Variants in CTBP1 observed in about 807,000 individuals in gnomAD.
The protein encoded by CTBP1 is C-terminal binding protein 1.
Under a neutral mutation model 42.1 loss-of-function variants are expected in CTBP1, and 11 were observed. The observed-to-expected ratio is 0.26, with a 90% CI of 0.16 to 0.43. The LOEUF is 0.43. Among genes scored for constraint, CTBP1 ranks in the 20% least tolerant of loss-of-function variants. The pLI, the probability that CTBP1 is intolerant of heterozygous loss-of-function variation, is 1.00. For synonymous variants in CTBP1, 324 were observed against 277.1 expected, an observed-to-expected ratio of 1.17 and a Z score of -1.68; for missense variants, 399 against 624.3, an observed-to-expected ratio of 0.64 and a Z score of 3.85.
chr4:1,212,635 A>G, intron 9 of CTBP1: 2 of 612,796 alleles, frequency 3.3e-6, no homozygotes, highest in Non-Finnish European at 2.8e-6. Flanking sequence ...TGACTTGAAC[A>G]TGAGGTCTTC....
At chr4:1,229,451 T>C (rs1188457378) in intron 3 of CTBP1, among the ~76,000 whole-genome samples, 2 of 152,216 alleles carry the variant, frequency 1.3e-5, no homozygotes, top group African/African-American at 4.8e-5. Context: ...GAGACACCAG[T>C]GAGCCTCCCA....
chr4:1,239,069 G>A (rs1731883102), intron 2 of CTBP1, among the ~76,000 whole-genome samples: 1 of 152,202 alleles, frequency 6.6e-6, no homozygotes, highest in Non-Finnish European at 1.5e-5. Flanking sequence ...AACAAAGGAA[G>A]AAAAGGGTTA....
rs949374949 is a variant in CTBP1 at position 1,233,804 on chromosome 4, C to T, written c.162+4379G>A. On this transcript the variant is annotated intron_variant, in intron 3 of 9. Coordinates refer to ENST00000382952, the MANE Select transcript of CTBP1 (RefSeq NM_001012614.2). The surrounding 1 kb of genome is among the most constrained non-coding windows in gnomAD (Gnocchi z 4.6). ...GCACTCAGACGGCGGCGACCTCCAA[C>T]CAGCTATGCGGGAAGTTTCTGCCCC... Among the ~76,000 whole-genome samples the T allele has an allele frequency of 6.6e-6, 1 of 152,244 alleles. No homozygotes were observed. The highest frequency in any genetic ancestry group is 1.9e-4 in the East Asian group (1 of 5,200).
chr4:1,230,021 C>G (rs1339846313), intron 3 of CTBP1, among the ~76,000 whole-genome samples: 1 of 152,198 alleles, frequency 6.6e-6, no homozygotes, highest in Non-Finnish European at 1.5e-5. Context: ...CACAGAGGAA[C>G]AGGTGTGTGT....
At chr4:1,223,574 T>C in intron 5 of CTBP1, 1 of 447,740 alleles carries the variant, frequency 2.2e-6, no homozygotes, top group Non-Finnish European at 4.5e-6. Flanking sequence ...GGCAAGGCCC[T>C]TGCATCCCCA....
intron 5 of CTBP1, chr4:1,218,706 G>T (rs1729416036): frequency 6.6e-6 from 1 of 152,246 alleles, no homozygotes; most frequent in South Asian, 2.1e-4. Flanking sequence ...GGCCGCCCTG[G>T]ACGAGTCTTC....
intron 3 of CTBP1, chr4:1,234,722 A>G (rs1731307761): frequency 6.6e-6 from 1 of 152,240 alleles, no homozygotes; most frequent in African/African-American, 2.4e-5. Flanking sequence ...TTACGTGTGC[A>G]TCTTTAATAC....
chr4:1,232,052 A>C (rs1358850543), intron 3 of CTBP1, among the ~76,000 whole-genome samples: 2 of 152,346 alleles, frequency 1.3e-5, no homozygotes, highest in Non-Finnish European at 2.9e-5. Flanking sequence ...TTGAATATAT[A>C]AACTTTTTCA....
intron 1 of CTBP1, among the ~76,000 whole-genome samples, chr4:1,248,332 T>G (rs530750626): frequency 4.2e-4 from 63 of 151,782 alleles, no homozygotes; most frequent in African/African-American, 1.5e-3. Context: ...GGGCCCGGTC[T>G]GAGGGCAGCG....
upstream of CTBP1, chr4:1,249,700 C>A: frequency 2.4e-6 from 1 of 413,188 alleles, no homozygotes; most frequent in Non-Finnish European, 4.9e-6. Flanking sequence ...CGCGCCTGCC[C>A]CAGTGCGTCC....
At chr4:1,244,346 C>T (rs2108802505) in intron 1 of CTBP1, 1 of 856,956 alleles carries the variant, frequency 1.2e-6, no homozygotes, top group Admixed American at 1.9e-4. Context: ...CAGTGGGTCT[C>T]TGGGCACTGG....
At chr4:1,244,886 G>A (rs1015884253) in intron 1 of CTBP1, 6 of 985,320 alleles carry the variant, frequency 6.1e-6, no homozygotes, top group East Asian at 1.1e-4. Context: ...TGACATGAAC[G>A]AAGGCTGTGC....
chr4:1,234,288 T>C (rs1382817288), intron 3 of CTBP1, among the ~76,000 whole-genome samples: 7 of 152,204 alleles, frequency 4.6e-5, no homozygotes. Flanking sequence ...TATGAGATTT[T>C]CACTCATGTT....
chr4:1,245,693 T>G (rs1577083323), intron 1 of CTBP1: 1 of 976,408 alleles, frequency 1.0e-6, no homozygotes, highest in African/African-American at 1.9e-5. Flanking sequence ...GTGGGCAGGG[T>G]GGCACGGGCG....
At chr4:1,244,779 C>G in intron 1 of CTBP1, 1 of 985,420 alleles carries the variant, frequency 1.0e-6, no homozygotes, top group Non-Finnish European at 1.2e-6. Context: ...GCCGTGAGTC[C>G]CCGGCAGCCA....
chr4:1,243,193 C>T (rs1031436829), intron 1 of CTBP1: 4 of 985,416 alleles, frequency 4.1e-6, no homozygotes, highest in Non-Finnish European at 4.8e-6. Context: ...GGAGGATCAT[C>T]GATACCCATC....
chr4:1,219,046 CAG>C (rs1225584196), intron 5 of CTBP1, among the ~76,000 whole-genome samples: 1 of 151,558 alleles, frequency 6.6e-6, no homozygotes, highest in Non-Finnish European at 1.5e-5. Context: ...ACATAAAAGA[CAG>C]AAGTCAGGCG....
rs904597721 is a variant in CTBP1 at position 1,249,028 on chromosome 4, G to T, written c.-301C>A. On this transcript the variant is annotated 5_prime_UTR_variant, in exon 1 of 10. Coordinates refer to ENST00000382952, the MANE Select transcript of CTBP1 (RefSeq NM_001012614.2). ...CCGCCGCGAGCCCGGCGCGTGGGGCGGCCTCGGCGCCGTCCGCTGCTCCGC... is the reference window on the plus strand; with the variant it reads ...CCGCCGCGAGCCCGGCGCGTGGGGCTGCCTCGGCGCCGTCCGCTGCTCCGC... The T allele has an allele frequency of 4.0e-6, 3 of 742,598 alleles. No homozygotes were observed. Among genetic ancestry groups the T allele is most frequent in the South Asian group, 5.9e-5 (1 of 17,086 alleles). The allele number at this position is 742,598 out of a possible 1,614,324, so 46.0% of individuals were successfully genotyped here. A position where few individuals can be genotyped will look rare whatever the true frequency, so the allele number is the denominator to read the frequency against.
At chr4:1,215,853 G>A in intron 6 of CTBP1, 138 bp downstream of exon 6, 1 of 892,080 alleles carries the variant, frequency 1.1e-6, no homozygotes, top group Non-Finnish European at 1.7e-6. Flanking sequence ...CCCCAGCAGG[G>A]CTGGCAGCCG....
Sources: allele counts gnomAD v4.1 joint callset (sites outside exome capture counted in the v4.1 genomes callset), GRCh38; gene constraint gnomAD v4.1.1; non-coding constraint Gnocchi (gnomAD v3.1); transcripts MANE v1.5; gene names NCBI Gene and HGNC (gene_info 2026-07-23, HGNC 2026-07-21).